Variants in DNAH9 observed in about 807,000 individuals in gnomAD.
DNAH9 encodes DNAH9 variant protein.
DNAH9 carries 345 observed loss-of-function variants against 471.6 expected under a neutral mutation model. That is an observed-to-expected ratio of 0.73 (90% CI 0.67 to 0.80). The LOEUF (loss-of-function observed/expected upper bound fraction) is 0.80. Ranked by LOEUF, DNAH9 falls within the 30% of genes least tolerant of loss-of-function variation. The pLI is 0.00. For synonymous variants in DNAH9, 2,093 were observed against 2,123.6 expected (o/e 0.99, Z 0.40); for missense variants, 5,407 against 5,609.2 (o/e 0.96, Z 1.15).
rs747277744 is a variant in DNAH9 at position 11,690,174 on chromosome 17, A to G, written c.4352A>G (p.Tyr1451Cys). The change falls in exon 20 of 69, where the codon TAT becomes TGT. Residue 1451 changes from tyrosine to cysteine, a missense_variant. By Grantham distance (194) the Tyr-to-Cys change is radical. Transcript: ENST00000262442. ...QTTWAGMEFQ[Y>C]EPHPRTNVPL... ...ACCTGGGCTGGCATGGAATTCCAGT[A>G]TGAGCCCCACCCACGGACCAATGTC... 3.1e-6 allele frequency: 5 copies of G among 1,614,218 alleles called. No individual in the cohort carries two copies. The highest frequency in any genetic ancestry group is 2.7e-5 in the African/African-American group (2 of 75,058).
intron 66 of DNAH9, among the ~76,000 whole-genome samples, chr17:11,941,935 CCCACAGGGG>C (rs1974932950): frequency 6.6e-6 from 1 of 152,186 alleles, no homozygotes; most frequent in Non-Finnish European, 1.5e-5. Flanking sequence ...CTTCACATGG[CCCACAGGGG>C]CCACCTTTTG....
At chr17:11,749,735 A>C (rs1967071045) in intron 32 of DNAH9, among the ~76,000 whole-genome samples, 1 of 152,130 alleles carries the variant, frequency 6.6e-6, no homozygotes. Flanking sequence ...TAAGTAAACT[A>C]TCCTTTCCCT....
chr17:11,682,241 A>G (rs1029398580), intron 19 of DNAH9, among the ~76,000 whole-genome samples: 8 of 152,022 alleles, frequency 5.3e-5, no homozygotes, highest in Non-Finnish European at 1.2e-4. Context: ...AACTCCAAGC[A>G]TAATGCTTGG....
intron 43 of DNAH9, among the ~76,000 whole-genome samples, chr17:11,801,234 T>C (rs957792299): frequency 2.6e-5 from 4 of 152,252 alleles, no homozygotes; most frequent in Non-Finnish European, 5.9e-5. Context: ...CTCCAGAGTC[T>C]GTGCTCTATA....
chr17:11,852,853 T>G (rs1971477010), intron 49 of DNAH9, among the ~76,000 whole-genome samples: 1 of 138,098 alleles, frequency 7.2e-6, no homozygotes, highest in Non-Finnish European at 1.5e-5. Context: ...TATATATATA[T>G]ATATATATGA....
intron 26 of DNAH9, among the ~76,000 whole-genome samples, chr17:11,718,357 C>G (rs1344861112): frequency 6.6e-6 from 1 of 152,214 alleles, no homozygotes; most frequent in East Asian, 1.9e-4. Context: ...TTGTTTCTAG[C>G]TTTTTGCTGT....
intron 14 of DNAH9, among the ~76,000 whole-genome samples, chr17:11,655,117 T>G (rs998974369): frequency 1.4e-4 from 21 of 152,262 alleles, no homozygotes; most frequent in Admixed American, 3.9e-4. Flanking sequence ...GTACCCAGTG[T>G]GTAGTCTTTT....
At chr17:11,642,066 A>G (rs917242956) in intron 10 of DNAH9, among the ~76,000 whole-genome samples, 4 of 152,058 alleles carry the variant, frequency 2.6e-5, no homozygotes, top group African/African-American at 9.7e-5. Context: ...AGAGGGAGGC[A>G]GCGGTACTTC....
Position 11,742,159 on chromosome 17 carries a change from G to C in DNAH9, c.5973-16G>C, listed in dbSNP as rs2075442127. On this transcript the variant is annotated splice_polypyrimidine_tract_variant and intron_variant, in intron 29 of 68. Coordinates refer to ENST00000262442, the MANE Select transcript of DNAH9 (RefSeq NM_001372.4). ...ACTTGGGAAACTGACTGGGCCTTCT[G>C]TCTTTCTATACTCAGGCCTTGTGCA... 1 of 1,613,330 alleles carries C rather than the reference G, an allele frequency of 6.2e-7. No homozygotes were observed. Among genetic ancestry groups the C allele is most frequent in the South Asian group, 1.1e-5 (1 of 91,008 alleles).
intron 24 of DNAH9, among the ~76,000 whole-genome samples, chr17:11,703,656 T>C (rs943429632): frequency 8.5e-5 from 13 of 152,212 alleles, no homozygotes; most frequent in African/African-American, 2.4e-4. Context: ...TTAACCACAA[T>C]TGAATTTCAA....
At position 11,902,900 on chromosome 17, in the gene DNAH9, C is replaced by T; in HGVS notation, c.11588C>T (p.Thr3863Ile). The T allele has an allele frequency of 1.2e-6, 2 of 1,613,008 alleles. No individual in the cohort carries two copies. The highest frequency in any genetic ancestry group is 1.7e-6 in the Non-Finnish European group (2 of 1,179,674). ...MLRAMRPDRM[T>I]YALRDFVEEK... ...AGAGCCATGCGGCCCGACCGGATGA[C>T]CTATGCTTTGCGGTAGGAAACAGGG... is the stretch of plus-strand genomic sequence containing the variant. The change falls in exon 60 of 69, where the codon ACC becomes ATC. Residue 3863 changes from threonine (T) to isoleucine (I), a missense_variant. Physicochemically the swap from Thr to Ile is moderately conservative, Grantham distance 89 (BLOSUM62 -1). This residue lies in a region of DNAH9 where 4,636 missense variants were observed against 4,900.3 expected (regional missense o/e 0.95). Coordinates refer to ENST00000262442, the MANE Select transcript of DNAH9 (RefSeq NM_001372.4).
chr17:11,916,376 A>G (rs1049181282), intron 61 of DNAH9, among the ~76,000 whole-genome samples: 6 of 152,152 alleles, frequency 3.9e-5, no homozygotes, highest in Non-Finnish European at 7.3e-5. Flanking sequence ...GCTGTTCATC[A>G]ACTAGAGATT....
At position 11,744,886 on chromosome 17, in the gene DNAH9, C is replaced by A; in HGVS notation, c.6201C>A (p.Asp2067Glu). ...GAGGAGACCCTGACCGGCCTGAGGA[C>A]CAGGTCCTGATGCGCTCCTTGCGGG... is the stretch of plus-strand genomic sequence containing the variant. ...LKRGDPDRPE[D>E]QVLMRSLRDF... The change falls in exon 31 of 69, where the codon GAC (aspartate) becomes GAA (glutamate). Residue 2067 changes from aspartate to glutamate, a missense_variant. Physicochemically the swap from Asp to Glu is conservative, Grantham distance 45. Transcript: ENST00000262442. The A allele has an allele frequency of 6.8e-6, 11 of 1,614,146 alleles. No homozygotes were observed. The highest frequency in any genetic ancestry group is 9.3e-6 in the Non-Finnish European group (11 of 1,179,990).
At chr17:11,729,237 C>T (rs1049402338) in intron 28 of DNAH9, among the ~76,000 whole-genome samples, 2 of 152,106 alleles carry the variant, frequency 1.3e-5, no homozygotes, top group Non-Finnish European at 2.9e-5. Flanking sequence ...ACCCCATCTC[C>T]AAGATAAAGC....
chr17:11,719,504 C>T lies in DNAH9; in HGVS notation c.5709+14C>T, dbSNP rs202132455. ...ATGGATTACAAGGTACAGTTCCACC[C>T]GGCTTCCTGGGGGTGGGGGTGGGGG... On this transcript the variant is annotated intron_variant, in intron 27 of 68. Transcript: ENST00000262442. The T allele has an allele frequency of 4.1e-5, 65 of 1,572,984 alleles. 2 individuals carry two copies. The South Asian group carries it at 5.3e-4, about 13-fold the overall frequency.
At chr17:11,742,776 C>T (rs2075451225) in intron 30 of DNAH9, among the ~76,000 whole-genome samples, 1 of 152,168 alleles carries the variant, frequency 6.6e-6, no homozygotes, top group Non-Finnish European at 1.5e-5. Flanking sequence ...ACATTACCTG[C>T]AAGGTTTCTG....
intron 52 of DNAH9, among the ~76,000 whole-genome samples, chr17:11,874,527 A>C (rs72815420): frequency 2.6e-4 from 39 of 152,054 alleles, no homozygotes; most frequent in African/African-American, 8.4e-4. Flanking sequence ...CGGTTGGTAC[A>C]GACAGGAGCA....
intron 26 of DNAH9, among the ~76,000 whole-genome samples, chr17:11,710,801 C>A (rs766529858): frequency 6.6e-6 from 1 of 152,070 alleles, no homozygotes; most frequent in Non-Finnish European, 1.5e-5. Context: ...TTTAGGAAAT[C>A]TTTTGATTAC....
At position 11,719,399 on chromosome 17, in the gene DNAH9, G is replaced by A; in HGVS notation, c.5618G>A (p.Gly1873Asp). 6.2e-7 allele frequency: 1 copy of A among 1,613,952 alleles called. No individual in the cohort carries two copies. The highest frequency in any genetic ancestry group is 8.5e-7 in the Non-Finnish European group (1 of 1,179,966). The stretch of plus-strand genomic sequence containing the variant: ...AGTGGGGCTCCCGCAGGACCTGCAG[G>A]CACAGGCAAGACCGAGACCACCAAG... Reference protein sequence around the residue: ...TMSGAPAGPAGTGKTETTKDL... With the variant: ...TMSGAPAGPADTGKTETTKDL... Residue 1873 changes from glycine to aspartate, a missense_variant, in exon 27 of 69, where the codon GGC (glycine) becomes GAC (aspartate). By Grantham distance (94) the Gly-to-Asp change is moderately conservative (BLOSUM62 -1). Around this residue, in one of 3 missense-constraint regions of DNAH9, gnomAD observed 4,636 missense variants for 4,900.3 expected, o/e 0.95. Coordinates refer to ENST00000262442, the MANE Select transcript of DNAH9 (RefSeq NM_001372.4).
Sources: allele counts gnomAD v4.1 joint callset (sites outside exome capture counted in the v4.1 genomes callset), GRCh38; gene constraint gnomAD v4.1.1; regional missense constraint gnomAD v4.1.1; transcripts MANE v1.5; gene names NCBI Gene and HGNC (gene_info 2026-07-23, HGNC 2026-07-21).